MYOT: variants seen among roughly 807,000 people sequenced by gnomAD.
MYOT encodes the protein myotilin.
In MYOT, 36 loss-of-function variants were observed where a neutral mutation model predicts 58.0. The observed-to-expected ratio is 0.62, with a 90% confidence interval of 0.48 to 0.82. The LOEUF (loss-of-function observed/expected upper bound fraction) is 0.82. Among genes scored for constraint, MYOT ranks in the 40% least tolerant of loss-of-function variants. The pLI is 0.00. For synonymous variants in MYOT, 218 were observed against 204.6 expected, an observed-to-expected ratio of 1.07 and a Z score of -0.56; for missense variants, 505 against 592.1, an observed-to-expected ratio of 0.85 and a Z score of 1.53.
intron 3 of MYOT, among the ~76,000 whole-genome samples, chr5:137,876,416 G>A (rs1755222817): frequency 6.6e-6 from 1 of 152,172 alleles, no homozygotes. Context: ...TCTTTAAACA[G>A]TACTATATGC....
chr5:137,868,492 A>AT (rs1754940948), intron 1 of MYOT, among the ~76,000 whole-genome samples: 1 of 152,232 alleles, frequency 6.6e-6, no homozygotes, highest in Non-Finnish European at 1.5e-5. Context: ...TCTGCATAAA[A>AT]TTTTGACACA....
intron 2 of MYOT, among the ~76,000 whole-genome samples, chr5:137,874,266 A>G (rs1254953167): frequency 6.6e-6 from 1 of 152,190 alleles, no homozygotes; most frequent in Non-Finnish European, 1.5e-5. Flanking sequence ...CAGCAGTTTG[A>G]GACCAGCCTG....
chr5:137,886,000 CCT>C (rs1491209179), intron 7 of MYOT, 46 bp from the exon 8 acceptor site: 42 of 1,288,794 alleles, frequency 3.3e-5, no homozygotes, highest in Non-Finnish European at 4.4e-5. Flanking sequence ...TGATTTAATA[CCT>C]TTTTTATAAT....
chr5:137,886,755 CTTTGGAA>C, intron 8 of MYOT, 102 bp from the exon 9 acceptor site: 1 of 860,292 alleles, frequency 1.2e-6, no homozygotes, highest in Admixed American at 2.1e-5. Flanking sequence ...ATAGATACAG[CTTTGGAA>C]TTTTCAAATG....
At chr5:137,884,584 T>A (rs576947265) in intron 7 of MYOT, among the ~76,000 whole-genome samples, 5 of 152,136 alleles carry the variant, frequency 3.3e-5, no homozygotes, top group African/African-American at 1.2e-4. Flanking sequence ...AAGTTGAGTA[T>A]CCCTAATCCA....
intron 4 of MYOT, among the ~76,000 whole-genome samples, chr5:137,878,827 A>C (rs1755319977): frequency 1.3e-5 from 2 of 152,100 alleles, no homozygotes; most frequent in Non-Finnish European, 2.9e-5. Flanking sequence ...TCTCAAACAC[A>C]AAAAAGAAAA....
intron 1 of MYOT, among the ~76,000 whole-genome samples, chr5:137,868,811 C>CT (rs927839794): frequency 9.3e-5 from 14 of 151,284 alleles, no homozygotes; most frequent in Non-Finnish European, 1.3e-4. Context: ...TTGAAATAGA[C>CT]TTTTTTTTTA....
intron 2 of MYOT, among the ~76,000 whole-genome samples, chr5:137,874,098 C>G (rs1755133297): frequency 6.6e-6 from 1 of 152,176 alleles, no homozygotes; most frequent in South Asian, 2.1e-4. Context: ...AGCCAGAGAA[C>G]ATTTATTATA....
rs71583286 is a variant in MYOT, at chr5:137,885,771, C to CAAAA, written c.1025-250_1025-247dup. The stretch of plus-strand genomic sequence containing the variant: ...TGGGCAAAAGAGCGAGACTCTGTCT[C>CAAAA]AAAAAAAAAAAAAAAAAAAAAAAAA... On this transcript the variant is annotated intron_variant, in intron 7 of 9. Transcript: ENST00000239926. Among the ~76,000 whole-genome samples, 85 of 30,978 alleles carry CAAAA rather than the reference C, an allele frequency of 2.7e-3. 3 individuals carry two copies. Among genetic ancestry groups the CAAAA allele is most frequent in the East Asian group, 8.1e-3 (5 of 616 alleles). The allele number at this position is 30,978 out of a possible 152,430, so 20.3% of individuals were successfully genotyped here. A position where few individuals can be genotyped will look rare whatever the true frequency, so the allele number is the denominator to read the frequency against.
At chr5:137,873,967 A>C (rs1017724652) in intron 2 of MYOT, among the ~76,000 whole-genome samples, 1 of 152,240 alleles carries the variant, frequency 6.6e-6, no homozygotes, top group African/African-American at 2.4e-5. Context: ...GTAAAAATTA[A>C]AACTCTGGCC....
intron 7 of MYOT, among the ~76,000 whole-genome samples, chr5:137,885,135 A>G (rs1755554585): frequency 6.6e-6 from 1 of 152,232 alleles, no homozygotes. Context: ...CAGAAAAACC[A>G]GGGTTATGGT....
At chr5:137,868,104 G>A (rs1011889015) in intron 1 of MYOT, among the ~76,000 whole-genome samples, 151 bp downstream of exon 1, 17 of 152,120 alleles carry the variant, frequency 1.1e-4, no homozygotes, top group Non-Finnish European at 1.0e-4. Context: ...AAGAGAAAGC[G>A]ACTCATTCAT....
chr5:137,886,333 GAAT>G (rs1025196777), intron 8 of MYOT, 120 bp downstream of exon 8: 15 of 523,380 alleles, frequency 2.9e-5, no homozygotes, highest in African/African-American at 2.8e-4. Flanking sequence ...AAACACTAAA[GAAT>G]AATATAATAA....
In MYOT at chr5:137,886,230, T is replaced by C. The variant is rs1304151283; in HGVS notation, c.1190+17T>C. 1 of 1,581,692 alleles carries C rather than the reference T, an allele frequency of 6.3e-7. No individual in the cohort carries two copies. The highest frequency in any genetic ancestry group is 8.7e-7 in the Non-Finnish European group (1 of 1,153,200). ...CCGAATAAGGTAGGATATGTATTTC[T>C]AGACTTACTATAGTTTATTTGGGTG... On this transcript the variant is annotated intron_variant, in intron 8 of 9. Coordinates refer to ENST00000239926, the MANE Select transcript of MYOT (RefSeq NM_006790.3).
At chr5:137,883,077 A>G in intron 6 of MYOT, 1 of 334,654 alleles carries the variant, frequency 3.0e-6, no homozygotes. Flanking sequence ...TGACTTCTAT[A>G]TTCCTTATGG....
In MYOT at chr5:137,882,041, G is replaced by A. The variant is rs1477747475; in HGVS notation, c.752G>A (p.Arg251His). 14 of 1,613,960 alleles carry A rather than the reference G, an allele frequency of 8.7e-6. No individual in the cohort carries two copies. The highest frequency in any genetic ancestry group is 5.0e-5 in the Admixed American group (3 of 59,994). ...ATCCAGGAGAAATTTTACCCACCACGTTTCATTCAAGTGCCAGAGAACATG... is the reference window on the plus strand; with the variant it reads ...ATCCAGGAGAAATTTTACCCACCACATTTCATTCAAGTGCCAGAGAACATG... ...DAIQEKFYPP[R>H]FIQVPENMSI... Residue 251 changes from arginine (R) to histidine (H), a missense_variant, in exon 6 of 10, where the codon CGT becomes CAT. Arg to His is a conservative substitution (Grantham distance 29). Transcript: ENST00000239926.
intron 4 of MYOT, among the ~76,000 whole-genome samples, chr5:137,879,587 C>T (rs191105699): frequency 2.1e-3 from 293 of 138,086 alleles, no homozygotes; most frequent in Non-Finnish European, 3.4e-3. Context: ...TACAATGGCG[C>T]GATCTCGGCT....
chr5:137,870,804 A>AT lies in MYOT; in HGVS notation c.157dup (p.Ser53PhefsTer38), dbSNP rs961301473. 21 of 1,613,904 alleles carry AT rather than the reference A, an allele frequency of 1.3e-5. No homozygotes were observed. Among genetic ancestry groups the AT allele is most frequent in the Non-Finnish European group, 1.8e-5 (21 of 1,180,014 alleles). On this transcript the variant is annotated frameshift_variant, in exon 2 of 10. Transcript: ENST00000239926. LOFTEE classifies it high-confidence loss of function. ...AGCCCCGCCAGTGTACAGAGCAAAG[A>AT]TTTTCTGCCTCCTCAACACTGAGCT...
chr5:137,869,050 A>C (rs920000817), intron 1 of MYOT, among the ~76,000 whole-genome samples: 1 of 152,212 alleles, frequency 6.6e-6, no homozygotes, highest in South Asian at 2.1e-4. Flanking sequence ...TCTAAACTAC[A>C]TAGGCAACTT....
Sources: gnomAD v4.1 joint callset for allele counts (sites outside exome capture counted in the v4.1 genomes callset) on GRCh38, gnomAD v4.1.1 for gene constraint, MANE v1.5 for transcripts, NCBI Gene and HGNC (gene_info 2026-07-23, HGNC 2026-07-21) for gene names.